Variants in ROPN1B observed in about 807,000 individuals in gnomAD.
ROPN1B encodes rhophilin associated tail protein 1B.
In ROPN1B, 13 loss-of-function variants were observed where a neutral mutation model predicts 23.7. That is an observed-to-expected ratio of 0.55 (90% CI 0.36 to 0.87). ROPN1B has a LOEUF of 0.87. Ranked by LOEUF, ROPN1B falls within the 40% of genes least tolerant of loss-of-function variation. ROPN1B has a pLI of 0.01. For synonymous variants in ROPN1B, 67 were observed against 100.4 expected, an observed-to-expected ratio of 0.67 and a Z score of 1.99; for missense variants, 183 against 249.2, an observed-to-expected ratio of 0.73 and a Z score of 1.79.
At chr3:125,980,261 A>G (rs1938567027) in intron 5 of ROPN1B, among the ~76,000 whole-genome samples, 1 of 152,244 alleles carries the variant, frequency 6.6e-6, no homozygotes, top group African/African-American at 2.4e-5. Flanking sequence ...AAATATTTAA[A>G]AATCTTACGA....
chr3:125,972,246 T>C lies in ROPN1B; in HGVS notation c.116+76T>C, dbSNP rs554237276. On this transcript the variant is annotated intron_variant, in intron 3 of 6. Coordinates refer to ENST00000514116, the MANE Select transcript of ROPN1B (RefSeq NM_001308313.2). ...GGGTCCTGTAAAACCGCGGAGGTTG[T>C]CATGGCTGCAGCCAGGGGGTCGGGA... 232 of 1,434,330 alleles carry C rather than the reference T, an allele frequency of 1.6e-4. 1 individual carries two copies. The highest frequency in any genetic ancestry group is 8.8e-4 in the Middle Eastern group (5 of 5,704). The allele number at this position is 1,434,330 out of a possible 1,614,324, so 88.9% of individuals were successfully genotyped here.
chr3:125,982,082 A>C (rs1426716344), intron 5 of ROPN1B, among the ~76,000 whole-genome samples, 188 bp from the exon 6 acceptor site: 1 of 152,240 alleles, frequency 6.6e-6, no homozygotes, highest in Non-Finnish European at 1.5e-5. Context: ...AAGATACCCA[A>C]TACTCAATAT....
At chr3:125,975,960 A>C (rs893225231) in intron 4 of ROPN1B, among the ~76,000 whole-genome samples, 5 of 152,014 alleles carry the variant, frequency 3.3e-5, no homozygotes, top group African/African-American at 1.2e-4. Context: ...TCTCCAGAAA[A>C]GTGCAGGTCC....
chr3:125,978,599 C>T (rs1938505332), intron 5 of ROPN1B, among the ~76,000 whole-genome samples: 1 of 152,226 alleles, frequency 6.6e-6, no homozygotes, highest in South Asian at 2.1e-4. Flanking sequence ...TCTTCTCTGG[C>T]ATCTCTGGTC....
chr3:125,975,383 A>G, intron 3 of ROPN1B, 180 bp from the exon 4 acceptor site: 1 of 486,912 alleles, frequency 2.1e-6, no homozygotes, highest in South Asian at 4.7e-5. Flanking sequence ...CTAAGTGGAG[A>G]GTAACACATT....
chr3:125,972,558 C>T (rs1375255125), intron 3 of ROPN1B: 2 of 422,548 alleles, frequency 4.7e-6, no homozygotes, highest in African/African-American at 4.0e-5. Context: ...CTTCATTCTC[C>T]TGTCTCACCA....
intron 1 of ROPN1B, chr3:125,969,667 G>A (rs1938119837): frequency 6.6e-6 from 1 of 150,470 alleles, no homozygotes; most frequent in African/African-American, 2.4e-5. Context: ...TGGTTGGGAG[G>A]CTCAAGAGTT....
At position 125,972,115 on chromosome 3, in the gene ROPN1B, T is replaced by C; in HGVS notation, c.61T>C (p.Phe21Leu). 1 of 1,613,996 alleles carries C rather than the reference T, an allele frequency of 6.2e-7. No individual in the cohort carries two copies. Among genetic ancestry groups the C allele is most frequent in the Non-Finnish European group, 8.5e-7 (1 of 1,179,990 alleles). ...GGAGCTGCCGAAAATGCTGAAGGAG[T>C]TTGCCAAAGCCGCCATTCGGGCGCA... ...PPELPKMLKE[F>L]AKAAIRAQPQ... Residue 21 changes from phenylalanine (F) to leucine (L), a missense_variant, in exon 3 of 7, where the codon TTT (phenylalanine) becomes CTT (leucine). Phe to Leu is a conservative substitution (Grantham distance 22, BLOSUM62 0). Transcript: ENST00000514116.
intron 6 of ROPN1B, 24 bp downstream of exon 6, chr3:125,982,469 A>T: frequency 6.4e-7 from 1 of 1,571,426 alleles, no homozygotes; most frequent in Non-Finnish European, 8.6e-7. Context: ...TACCAATTGG[A>T]GGTGAAAGAA....
intron 5 of ROPN1B, among the ~76,000 whole-genome samples, chr3:125,981,390 C>T (rs1232447798): frequency 6.6e-6 from 1 of 152,218 alleles, no homozygotes; most frequent in South Asian, 2.1e-4. Flanking sequence ...GCTGCTTTTT[C>T]ACTCACCCTA....
chr3:125,976,958 A>T (rs1938436228), intron 4 of ROPN1B, 46 bp from the exon 5 acceptor site: 1 of 671,976 alleles, frequency 1.5e-6, no homozygotes, highest in South Asian at 1.7e-5. Context: ...GCCTTGTCTC[A>T]ACTTCTCCCA....
chr3:125,982,505 C>G, intron 6 of ROPN1B, 60 bp downstream of exon 6: 1 of 1,407,762 alleles, frequency 7.1e-7, no homozygotes, highest in South Asian at 1.4e-5. Flanking sequence ...TCTATGGGGC[C>G]AAGACAGAGT....
chr3:125,975,527 T>C, intron 3 of ROPN1B, 36 bp from the exon 4 acceptor site: 3 of 1,576,262 alleles, frequency 1.9e-6, no homozygotes, highest in Non-Finnish European at 2.6e-6. Context: ...CACTGGTGTA[T>C]AGGATCCTCC....
intron 5 of ROPN1B, chr3:125,977,638 T>G (rs768472259): frequency 7.3e-5 from 14 of 192,966 alleles, no homozygotes; most frequent in Non-Finnish European, 1.2e-4. Context: ...GAGATGAGGC[T>G]ATTTCTGAAT....
intron 2 of ROPN1B, 62 bp from the exon 3 acceptor site, chr3:125,971,981 A>T: frequency 1.3e-6 from 2 of 1,500,582 alleles, no homozygotes; most frequent in South Asian, 2.5e-5. Context: ...CCTCCTGTCC[A>T]GGATTGCTCT....
intron 3 of ROPN1B, chr3:125,972,397 G>A: frequency 1.7e-6 from 1 of 581,542 alleles, no homozygotes; most frequent in Non-Finnish European, 3.1e-6. Flanking sequence ...TGAGCAGTAG[G>A]ACGCCAGGTC....
rs766024153 is a variant in ROPN1B at position 125,983,359 on chromosome 3, T to C, written c.*39T>C. 2.2e-6 allele frequency: 3 copies of C among 1,394,706 alleles called. No homozygotes were observed. Among genetic ancestry groups the C allele is most frequent in the Non-Finnish European group, 3.1e-6 (3 of 980,970 alleles). 86.4% of individuals were successfully genotyped at this position (1,394,706 alleles called of 1,614,324 possible). ...GCAATTTTAAAGGAAGATACAGAGG[T>C]GATTGTACTTCAGAATGATAAACCC... On this transcript the variant is annotated 3_prime_UTR_variant, in exon 7 of 7. Coordinates refer to ENST00000514116, the MANE Select transcript of ROPN1B (RefSeq NM_001308313.2).
At chr3:125,982,613 A>G (rs553843182) in intron 6 of ROPN1B, among the ~76,000 whole-genome samples, 168 bp downstream of exon 6, 1 of 152,224 alleles carries the variant, frequency 6.6e-6, no homozygotes, top group Non-Finnish European at 1.5e-5. Flanking sequence ...AGGAAGGAAA[A>G]GAATGATATA....
intron 3 of ROPN1B, chr3:125,973,612 T>C (rs927039889): frequency 6.4e-6 from 1 of 156,220 alleles, no homozygotes; most frequent in Non-Finnish European, 1.4e-5. Flanking sequence ...CTGACATTTA[T>C]GGAAGAGGCA....
Sources: allele counts gnomAD v4.1 joint callset (sites outside exome capture counted in the v4.1 genomes callset), GRCh38; gene constraint gnomAD v4.1.1; transcripts MANE v1.5; gene names NCBI Gene and HGNC (gene_info 2026-07-23, HGNC 2026-07-21).